EYS: variants seen among roughly 807,000 people sequenced by gnomAD.
EYS encodes the protein protein eyes shut homolog.
In EYS, 250 loss-of-function variants were observed where a neutral mutation model predicts 282.1. That is an observed-to-expected ratio of 0.89 (90% CI 0.80 to 0.98). EYS has a LOEUF of 0.98. EYS is among the 50% of genes least tolerant of loss of function. The probability of loss-of-function intolerance (pLI) is 0.00; values close to 1 mark genes in which losing one functional copy is unlikely to be tolerated. For missense variants in EYS, 4,016 were observed against 3,709.0 expected (o/e 1.08, Z -2.15); for synonymous variants, 1,355 against 1,282.9 (o/e 1.06, Z -1.20).
intron 30 of EYS, among the ~76,000 whole-genome samples, chr6:64,272,776 A>G (rs1036303108): frequency 2.6e-5 from 4 of 152,174 alleles, no homozygotes; most frequent in African/African-American, 9.7e-5. Context: ...AAATCTCCTT[A>G]TTCAAGATAT....
intron 26 of EYS, among the ~76,000 whole-genome samples, chr6:64,560,355 T>C (rs1189252904): frequency 6.6e-6 from 1 of 152,094 alleles, no homozygotes; most frequent in Admixed American, 6.6e-5. Flanking sequence ...ATATTGGCCT[T>C]ATTTTCTTTT....
At chr6:64,682,072 G>C (rs1024836530) in intron 22 of EYS, among the ~76,000 whole-genome samples, 1 of 152,100 alleles carries the variant, frequency 6.6e-6, no homozygotes, top group African/African-American at 2.4e-5. Flanking sequence ...CCAGGCCCCC[G>C]GGTGGGGCTA....
chr6:64,534,331 CA>C (rs1207024062), intron 26 of EYS, among the ~76,000 whole-genome samples: 1 of 151,006 alleles, frequency 6.6e-6, no homozygotes, highest in Non-Finnish European at 1.5e-5. Flanking sequence ...TTTTCTTTAC[CA>C]AATTTTCTAA....
At chr6:64,846,387 A>G (rs1053807237) in intron 19 of EYS, among the ~76,000 whole-genome samples, 1 of 152,132 alleles carries the variant, frequency 6.6e-6, no homozygotes, top group African/African-American at 2.4e-5. Context: ...AGGCTCTATT[A>G]GTTACATAAT....
intron 33 of EYS, among the ~76,000 whole-genome samples, chr6:64,046,749 C>T (rs376646849): frequency 1.4e-4 from 21 of 152,220 alleles, no homozygotes; most frequent in Admixed American, 9.8e-4. Context: ...TATTCACATT[C>T]GATTATATTT....
Position 63,878,778 on chromosome 6 carries a change from G to T in EYS, c.7056-14420C>A, listed in dbSNP as rs145806263. On this transcript the variant is annotated intron_variant, in intron 35 of 42. Coordinates refer to ENST00000503581, the MANE Select transcript of EYS (RefSeq NM_001142800.2). ...TATGGGTGTGGGACCCTCTGAGCCA[G>T]GCACGGGATATAATCTCCTGGTGTG... Among the ~76,000 whole-genome samples, 722 of 152,330 alleles carry T rather than the reference G, an allele frequency of 4.7e-3. 5 individuals are homozygous for T. The highest frequency in any genetic ancestry group is 0.017 in the African/African-American group (691 of 41,588).
At chr6:64,615,923 T>G (rs9345304) in intron 24 of EYS, among the ~76,000 whole-genome samples, 14 of 152,182 alleles carry the variant, frequency 9.2e-5, no homozygotes, top group African/African-American at 3.1e-4. Context: ...TCCAAGATGT[T>G]TCTATTTCTA....
intron 2 of EYS, among the ~76,000 whole-genome samples, chr6:65,511,033 C>T (rs79393509): frequency 0.04 from 6,063 of 152,186 alleles, 281 homozygotes; most frequent in African/African-American, 0.11. Flanking sequence ...ACTTTCTCAC[C>T]AATTCCTTAA....
chr6:64,603,438 G>A (rs1327570718), intron 24 of EYS, among the ~76,000 whole-genome samples: 1 of 151,948 alleles, frequency 6.6e-6, no homozygotes, highest in African/African-American at 2.4e-5. Context: ...GAAAACCTCT[G>A]TTGCCTCCCA....
At chr6:65,661,884 T>C (rs151142074) in intron 1 of EYS, among the ~76,000 whole-genome samples, 62 of 152,232 alleles carry the variant, frequency 4.1e-4, no homozygotes, top group African/African-American at 1.3e-3. Context: ...AAACTTTGAA[T>C]TCCTACTTAT....
chr6:64,802,031 T>TC (rs1379212233), intron 22 of EYS, among the ~76,000 whole-genome samples: 25 of 109,396 alleles, frequency 2.3e-4, no homozygotes, highest in African/African-American at 1.0e-3. Context: ...TTCTTTTTTT[T>TC]TCTTTTTTTT....
chr6:65,222,098 G>A (rs767141970), intron 12 of EYS, among the ~76,000 whole-genome samples: 19 of 152,156 alleles, frequency 1.2e-4, no homozygotes, highest in Non-Finnish European at 2.8e-4. Context: ...GAAGGGACTT[G>A]CCTTGTCTCA....
At chr6:65,497,248 G>A (rs568185356) in intron 2 of EYS, among the ~76,000 whole-genome samples, 47 of 152,106 alleles carry the variant, frequency 3.1e-4, no homozygotes, top group African/African-American at 1.1e-3. Flanking sequence ...TCAATGGAAG[G>A]AATTAAGAAC....
chr6:63,773,047 T>A (rs955358450), intron 40 of EYS, among the ~76,000 whole-genome samples: 33 of 152,322 alleles, frequency 2.2e-4, no homozygotes, highest in Middle Eastern at 3.4e-3. Context: ...GTCTTTTTTT[T>A]ATGTATGTGA....
chr6:63,965,785 A>G (rs1431716289), intron 35 of EYS, among the ~76,000 whole-genome samples: 1 of 152,176 alleles, frequency 6.6e-6, no homozygotes, highest in Non-Finnish European at 1.5e-5. Context: ...ACGGCTCATT[A>G]TAACCAGTAG....
chr6:65,592,998 G>A (rs1765286162), intron 2 of EYS, among the ~76,000 whole-genome samples: 1 of 151,904 alleles, frequency 6.6e-6, no homozygotes, highest in Admixed American at 6.6e-5. Context: ...CCAGCAATAG[G>A]AGTCAATGTT....
intron 12 of EYS, among the ~76,000 whole-genome samples, chr6:65,181,753 G>A (rs1458036827): frequency 1.3e-5 from 2 of 152,088 alleles, no homozygotes; most frequent in East Asian, 1.9e-4. Flanking sequence ...AAAGACACAT[G>A]CACACGTATG....
chr6:64,202,087 C>T (rs1021919470), intron 31 of EYS, among the ~76,000 whole-genome samples: 2 of 151,950 alleles, frequency 1.3e-5, no homozygotes, highest in Admixed American at 6.6e-5. Context: ...TTTGGGGTAC[C>T]CCAAGAAGTA....
chr6:65,375,703 A>T (rs992685429), intron 8 of EYS, among the ~76,000 whole-genome samples: 17 of 152,102 alleles, frequency 1.1e-4, no homozygotes, highest in Non-Finnish European at 2.4e-4. Flanking sequence ...TGGAGCTGAA[A>T]AACACAGCAT....
Sources: gnomAD v4.1 joint callset for allele counts (sites outside exome capture counted in the v4.1 genomes callset) on GRCh38, gnomAD v4.1.1 for gene constraint, MANE v1.5 for transcripts, NCBI Gene and HGNC (gene_info 2026-07-23, HGNC 2026-07-21) for gene names.